GALNT13: variants seen among roughly 807,000 people sequenced by gnomAD.
GALNT13 encodes the protein polypeptide N-acetylgalactosaminyltransferase 13.
Under a neutral mutation model 64.2 loss-of-function variants are expected in GALNT13, and 28 were observed. The ratio of observed to expected loss-of-function variants is 0.44; its 90% CI spans 0.32 to 0.60. GALNT13 has a LOEUF of 0.60. Among genes scored for constraint, GALNT13 ranks in the 20% least tolerant of loss-of-function variants. GALNT13 has a pLI of 0.05. For synonymous variants in GALNT13, 214 were observed against 224.6 expected, an observed-to-expected ratio of 0.95 and a Z score of 0.42; for missense variants, 577 against 669.8, an observed-to-expected ratio of 0.86 and a Z score of 1.53.
At chr2:153,748,068 GTA>G in the GALNT13 span, among the ~76,000 whole-genome samples, 1 of 152,030 alleles carries the variant, frequency 6.6e-6, no homozygotes, top group Non-Finnish European at 1.5e-5. Flanking sequence ...TGGTGCAAAA[GTA>G]ATTGTAGTTT....
At chr2:154,007,879 G>A (rs957193950) in intron 3 of GALNT13, among the ~76,000 whole-genome samples, 15 of 151,738 alleles carry the variant, frequency 9.9e-5, no homozygotes, top group African/African-American at 3.6e-4. Context: ...ACCAACTATG[G>A]CCTAATCTAG....
intron 2 of GALNT13, among the ~76,000 whole-genome samples, chr2:153,922,016 CAT>C (rs543945748): frequency 8.0e-4 from 121 of 152,100 alleles, no homozygotes; most frequent in Middle Eastern, 3.4e-3. Flanking sequence ...ATTAAAATGA[CAT>C]ATAGAAAAAA....
chr2:154,161,211 C>CT (rs1187100373), intron 4 of GALNT13, among the ~76,000 whole-genome samples: 2 of 152,132 alleles, frequency 1.3e-5, no homozygotes, highest in East Asian at 3.9e-4. Flanking sequence ...GAGCATAAAT[C>CT]TGTGAAATGC....
chr2:153,326,281 C>T, the GALNT13 span, among the ~76,000 whole-genome samples: 1 of 148,372 alleles, frequency 6.7e-6, no homozygotes, highest in African/African-American at 2.5e-5. Flanking sequence ...TTTGTTTTAT[C>T]AGAGACTAGT....
chr2:153,257,154 G>A, the GALNT13 span, among the ~76,000 whole-genome samples: 3 of 152,194 alleles, frequency 2.0e-5, no homozygotes, highest in Non-Finnish European at 4.4e-5. Context: ...TAATCTTGTG[G>A]TGCGCCGTTT....
the GALNT13 span, among the ~76,000 whole-genome samples, chr2:153,363,008 A>G: frequency 1.3e-5 from 2 of 152,204 alleles, no homozygotes; most frequent in Non-Finnish European, 2.9e-5. Context: ...AGCAAATGCA[A>G]AAGAACTGAA....
chr2:153,447,628 T>C, the GALNT13 span, among the ~76,000 whole-genome samples: 5 of 152,224 alleles, frequency 3.3e-5, no homozygotes, highest in African/African-American at 9.6e-5. Flanking sequence ...TTCATAATTA[T>C]AGTTTTATTG....
chr2:154,128,865 G>T (rs1356488769), intron 3 of GALNT13, among the ~76,000 whole-genome samples: 1 of 152,068 alleles, frequency 6.6e-6, no homozygotes, highest in East Asian at 1.9e-4. Flanking sequence ...TAAAAATCAA[G>T]TAATCATTTA....
chr2:154,085,134 G>A (rs1446535380), intron 3 of GALNT13, among the ~76,000 whole-genome samples: 3 of 151,856 alleles, frequency 2.0e-5, no homozygotes, highest in Non-Finnish European at 4.4e-5. Context: ...CCATGAAATC[G>A]AAATATTTGG....
chr2:153,942,696 T>TAC (rs1691420629), intron 2 of GALNT13, among the ~76,000 whole-genome samples: 1 of 151,964 alleles, frequency 6.6e-6, no homozygotes. Context: ...CTCCATTATA[T>TAC]ATATATATAC....
chr2:153,242,310 T>C, the GALNT13 span, among the ~76,000 whole-genome samples: 2 of 152,154 alleles, frequency 1.3e-5, no homozygotes, highest in Non-Finnish European at 2.9e-5. Context: ...GGATAGCTTC[T>C]GATTTCCTGT....
chr2:154,096,487 T>A (rs928079293), intron 3 of GALNT13, among the ~76,000 whole-genome samples: 19 of 152,056 alleles, frequency 1.2e-4, no homozygotes, highest in Admixed American at 3.9e-4. Flanking sequence ...CTCAAAGCCT[T>A]CTCATTTCTT....
the GALNT13 span, among the ~76,000 whole-genome samples, chr2:153,694,205 A>G: frequency 6.6e-6 from 1 of 152,148 alleles, no homozygotes. Context: ...ACGAAGTTTA[A>G]CTTTCCCTTC....
At chr2:154,389,989 T>G (rs1041361464) in intron 9 of GALNT13, among the ~76,000 whole-genome samples, 3 of 152,096 alleles carry the variant, frequency 2.0e-5, no homozygotes, top group Non-Finnish European at 4.4e-5. Flanking sequence ...CTGGGTGGCC[T>G]GATAGTTGAT....
chr2:153,456,177 A>G, the GALNT13 span, among the ~76,000 whole-genome samples: 26 of 152,202 alleles, frequency 1.7e-4, no homozygotes, highest in Admixed American at 3.9e-4. Flanking sequence ...AAACAGGGAT[A>G]TAAGTTCTCA....
the GALNT13 span, among the ~76,000 whole-genome samples, chr2:153,431,162 A>C: frequency 6.6e-6 from 1 of 151,828 alleles, no homozygotes; most frequent in Non-Finnish European, 1.5e-5. Context: ...AAAAAAAAAA[A>C]CAAAAAAAGT....
chr2:154,258,668 GAT>G (rs757740510), intron 7 of GALNT13, among the ~76,000 whole-genome samples: 36 of 151,862 alleles, frequency 2.4e-4, no homozygotes, highest in Non-Finnish European at 5.0e-4. Context: ...GTTGACACCT[GAT>G]AGTTTCATGA....
At chr2:153,624,428 A>C in the GALNT13 span, among the ~76,000 whole-genome samples, 3 of 152,094 alleles carry the variant, frequency 2.0e-5, no homozygotes, top group Non-Finnish European at 4.4e-5. Context: ...ATACAAACAA[A>C]TGTGACATAT....
chr2:153,808,764 T>A, the GALNT13 span, among the ~76,000 whole-genome samples: 2 of 152,202 alleles, frequency 1.3e-5, no homozygotes, highest in Non-Finnish European at 2.9e-5. Flanking sequence ...CCTTATCTTT[T>A]TTCTTAATTT....
Sources: allele counts gnomAD v4.1 joint callset (sites outside exome capture counted in the v4.1 genomes callset), GRCh38; gene constraint gnomAD v4.1.1; transcripts MANE v1.5; gene names NCBI Gene and HGNC (gene_info 2026-07-23, HGNC 2026-07-21).